CACNB2: variants seen among roughly 807,000 people sequenced by gnomAD.
CACNB2 encodes calcium voltage-gated channel auxiliary subunit beta 2, also known as voltage-dependent L-type calcium channel subunit beta-2.
CACNB2 carries 42 observed loss-of-function variants against 73.3 expected under a neutral mutation model. The ratio of observed to expected loss-of-function variants is 0.57; its 90% CI spans 0.45 to 0.74. CACNB2 has a LOEUF of 0.74. CACNB2 is among the 30% of genes least tolerant of loss of function. The pLI, the probability that CACNB2 is intolerant of heterozygous loss-of-function variation, is 0.00. For synonymous variants in CACNB2, 348 were observed against 310.3 expected, an observed-to-expected ratio of 1.12 and a Z score of -1.28; for missense variants, 940 against 853.0, an observed-to-expected ratio of 1.10 and a Z score of -1.27.
At chr10:18,277,049 C>G (rs920149676) in intron 2 of CACNB2, among the ~76,000 whole-genome samples, 1 of 152,086 alleles carries the variant, frequency 6.6e-6, no homozygotes, top group Non-Finnish European at 1.5e-5. Context: ...CCTGGGAGGT[C>G]GAGGCTGCAG....
intron 2 of CACNB2, among the ~76,000 whole-genome samples, chr10:18,314,695 C>T (rs896122236): frequency 1.3e-5 from 2 of 152,038 alleles, no homozygotes; most frequent in African/African-American, 4.8e-5. Context: ...TTTTTTCATA[C>T]ACATGAACCC....
intron 10 of CACNB2, chr10:18,533,339 C>T (rs1350946908): frequency 2.0e-5 from 3 of 152,232 alleles, no homozygotes; most frequent in African/African-American, 7.2e-5. Flanking sequence ...GAATATTTCC[C>T]TCATTGCAGA....
chr10:18,377,755 G>C (rs533909796), intron 2 of CACNB2, among the ~76,000 whole-genome samples: 1 of 152,114 alleles, frequency 6.6e-6, no homozygotes, highest in South Asian at 2.1e-4. Context: ...CAGCAAAAAC[G>C]TTATGCTTTC....
chr10:18,286,265 C>T (rs1376798416), intron 2 of CACNB2, among the ~76,000 whole-genome samples: 2 of 152,070 alleles, frequency 1.3e-5, no homozygotes, highest in South Asian at 2.1e-4. Context: ...GCCTGTAATC[C>T]CAGCACTTTG....
chr10:18,267,144 G>C (rs1396981033), intron 2 of CACNB2, among the ~76,000 whole-genome samples: 1 of 151,990 alleles, frequency 6.6e-6, no homozygotes, highest in Non-Finnish European at 1.5e-5. Context: ...TGAATGTCAA[G>C]TTCATATATG....
At chr10:18,491,892 A>T (rs559482742) in intron 3 of CACNB2, among the ~76,000 whole-genome samples, 3 of 149,532 alleles carry the variant, frequency 2.0e-5, no homozygotes, top group South Asian at 2.2e-4. Context: ...AATGAAAGAG[A>T]TATGTATCAG....
At chr10:18,412,980 T>C (rs973952953) in intron 3 of CACNB2, among the ~76,000 whole-genome samples, 1 of 152,226 alleles carries the variant, frequency 6.6e-6, no homozygotes, top group Non-Finnish European at 1.5e-5. Context: ...TTTTATTTTT[T>C]ATTTTTTGAG....
At chr10:18,538,040 G>T in intron 12 of CACNB2, 140 bp from the exon 13 acceptor site, 1 of 795,870 alleles carries the variant, frequency 1.3e-6, no homozygotes. Context: ...AAATAAAAAG[G>T]GAGATAGTAG....
At chr10:18,229,298 G>A (rs952344488) in intron 2 of CACNB2, among the ~76,000 whole-genome samples, 1 of 152,110 alleles carries the variant, frequency 6.6e-6, no homozygotes. Flanking sequence ...TATAAAACAA[G>A]AATCGTTATT....
chr10:18,192,627 A>G (rs550119872), intron 2 of CACNB2, among the ~76,000 whole-genome samples: 1 of 152,252 alleles, frequency 6.6e-6, no homozygotes, highest in South Asian at 2.1e-4. Context: ...CTTACCCATT[A>G]AGCAATTTCT....
chr10:18,161,029 C>T (rs1564305339), intron 2 of CACNB2, among the ~76,000 whole-genome samples: 1 of 152,118 alleles, frequency 6.6e-6, no homozygotes, highest in African/African-American at 2.4e-5. Flanking sequence ...TCCCCCTACC[C>T]GCCTCAGAGC....
intron 3 of CACNB2, among the ~76,000 whole-genome samples, chr10:18,440,363 G>A (rs2046354347): frequency 6.6e-6 from 1 of 152,162 alleles, no homozygotes; most frequent in African/African-American, 2.4e-5. Context: ...TGAGGAGTTG[G>A]GGAGTGATAA....
chr10:18,169,016 C>T (rs564381307), intron 2 of CACNB2, among the ~76,000 whole-genome samples: 4 of 152,212 alleles, frequency 2.6e-5, no homozygotes, highest in Admixed American at 1.3e-4. Context: ...TAATCCTCAT[C>T]TTATTAAGTA....
intron 12 of CACNB2, 35 bp downstream of exon 12, chr10:18,536,231 C>G (rs755704276): frequency 8.5e-5 from 44 of 518,296 alleles, no homozygotes; most frequent in Admixed American, 1.6e-4. Context: ...AATCCAGTTA[C>G]AGAGATCAGA....
intron 2 of CACNB2, among the ~76,000 whole-genome samples, chr10:18,343,607 T>C (rs556268954): frequency 2.0e-5 from 3 of 152,354 alleles, no homozygotes; most frequent in African/African-American, 7.2e-5. Flanking sequence ...GGAAGGTGTA[T>C]GCCTTCCTAT....
intron 3 of CACNB2, among the ~76,000 whole-genome samples, chr10:18,431,932 T>G (rs2045909339): frequency 6.6e-6 from 1 of 152,160 alleles, no homozygotes; most frequent in East Asian, 1.9e-4. Flanking sequence ...ACCCAGATAA[T>G]TTTTGTATTT....
chr10:18,208,004 T>C (rs1378181693), intron 2 of CACNB2, among the ~76,000 whole-genome samples: 12 of 152,240 alleles, frequency 7.9e-5, no homozygotes. Flanking sequence ...TTAAAAAATC[T>C]CAAGTTTCTA....
At chr10:18,422,992 C>A (rs967958903) in intron 3 of CACNB2, among the ~76,000 whole-genome samples, 3 of 152,200 alleles carry the variant, frequency 2.0e-5, no homozygotes, top group Non-Finnish European at 4.4e-5. Context: ...GCCACTGCGC[C>A]TGGCCAACAC....
intron 2 of CACNB2, among the ~76,000 whole-genome samples, chr10:18,361,980 C>T (rs1250404603): frequency 6.6e-6 from 1 of 152,156 alleles, no homozygotes; most frequent in Non-Finnish European, 1.5e-5. Flanking sequence ...ATTATTACTG[C>T]TACACATTTT....
Sources: allele counts gnomAD v4.1 joint callset (sites outside exome capture counted in the v4.1 genomes callset), GRCh38; gene constraint gnomAD v4.1.1; transcripts MANE v1.5; gene names NCBI Gene and HGNC (gene_info 2026-07-23, HGNC 2026-07-21).